FOXN3: variants seen among roughly 807,000 people sequenced by gnomAD.
FOXN3 encodes forkhead box N3, also known as forkhead box protein N3.
In FOXN3, 7 loss-of-function variants were observed where a neutral mutation model predicts 38.4. The ratio of observed to expected loss-of-function variants is 0.18; its 90% CI spans 0.10 to 0.34. FOXN3 has a LOEUF of 0.34. Among genes scored for constraint, FOXN3 ranks in the 10% least tolerant of loss-of-function variants. FOXN3 has a pLI of 1.00. For missense variants in FOXN3, 456 were observed against 613.4 expected (o/e 0.74, Z 2.71); for synonymous variants, 230 against 242.2 (o/e 0.95, Z 0.47).
At chr14:89,265,235 G>T (rs747337348) in intron 4 of FOXN3, among the ~76,000 whole-genome samples, 32 of 152,132 alleles carry the variant, frequency 2.1e-4, no homozygotes, top group Middle Eastern at 3.4e-3. Context: ...AGATTTTATC[G>T]CCTGTGACTG....
intron 3 of FOXN3, among the ~76,000 whole-genome samples, chr14:89,289,892 T>C (rs367898089): frequency 8.5e-4 from 130 of 152,350 alleles, no homozygotes; most frequent in African/African-American, 3.0e-3. Context: ...CGTGGAAAAT[T>C]GAATCATGCA....
intron 2 of FOXN3, among the ~76,000 whole-genome samples, chr14:89,394,760 C>T (rs750046255): frequency 2.0e-4 from 30 of 152,154 alleles, no homozygotes; most frequent in Admixed American, 1.2e-3. Context: ...TCTCTAATCC[C>T]GGGGTCCCAT....
At chr14:89,292,841 C>G (rs1886918720) in intron 3 of FOXN3, among the ~76,000 whole-genome samples, 1 of 152,224 alleles carries the variant, frequency 6.6e-6, no homozygotes, top group East Asian at 1.9e-4. Context: ...TCTCCCCTCT[C>G]CACCGCACGA....
rs536428329 is a variant in FOXN3 at position 89,487,880 on chromosome 14, CAAT to C, written c.-14-75393_-14-75391del. Among the ~76,000 whole-genome samples, 8 of 152,098 alleles carry C rather than the reference CAAT, an allele frequency of 5.3e-5. No individual in the cohort carries two copies. The South Asian group carries it at 1.2e-3, about 24-fold the overall frequency. On this transcript the variant is annotated intron_variant, in intron 1 of 6. Coordinates refer to the FOXN3 transcript ENST00000345097. ...CCACGAAAGGAAGGCATCATGAAGA[CAAT>C]AATAATGGCCTTGAGATTAGGACAG...
intron 2 of FOXN3, among the ~76,000 whole-genome samples, chr14:89,385,704 G>A (rs2140071607): frequency 6.6e-6 from 1 of 152,296 alleles, no homozygotes; most frequent in East Asian, 1.9e-4. Flanking sequence ...CTACCTGGGA[G>A]GCTGAGGCAG....
intron 2 of FOXN3, among the ~76,000 whole-genome samples, chr14:89,386,818 A>AC (rs1207397112): frequency 2.6e-5 from 4 of 152,142 alleles, no homozygotes; most frequent in Non-Finnish European, 5.9e-5. Context: ...CTGTGTGCTC[A>AC]TGGGGACTGC....
chr14:89,553,785 G>A (rs568035469), intron 1 of FOXN3, among the ~76,000 whole-genome samples: 48 of 152,236 alleles, frequency 3.2e-4, no homozygotes, highest in African/African-American at 6.7e-4. Flanking sequence ...AGGGGAAAGC[G>A]CAGTCAGGAC....
intron 1 of FOXN3, among the ~76,000 whole-genome samples, chr14:89,415,174 GCCA>G (rs1445526417): frequency 1.3e-5 from 2 of 152,110 alleles, no homozygotes; most frequent in African/African-American, 4.8e-5. Context: ...GAACTACCCA[GCCA>G]CTGAAGTCAA....
intron 1 of FOXN3, among the ~76,000 whole-genome samples, chr14:89,603,635 T>C (rs1896205428): frequency 6.6e-6 from 1 of 152,190 alleles, no homozygotes; most frequent in Non-Finnish European, 1.5e-5. Flanking sequence ...GCAGAGTAAG[T>C]ACCTGTCCAA....
chr14:89,610,749 G>A (rs1447711304), intron 1 of FOXN3, among the ~76,000 whole-genome samples: 4 of 152,240 alleles, frequency 2.6e-5, no homozygotes, highest in African/African-American at 9.6e-5. Flanking sequence ...CTTCACCCTC[G>A]TATCCCTATC....
At chr14:89,385,026 T>C (rs1424366206) in intron 2 of FOXN3, among the ~76,000 whole-genome samples, 1 of 152,232 alleles carries the variant, frequency 6.6e-6, no homozygotes, top group Non-Finnish European at 1.5e-5. Flanking sequence ...AGGAGAATTA[T>C]GGAATCTGCC....
At chr14:89,594,580 A>T (rs1896020769) in intron 1 of FOXN3, among the ~76,000 whole-genome samples, 1 of 152,150 alleles carries the variant, frequency 6.6e-6, no homozygotes, top group Non-Finnish European at 1.5e-5. Context: ...TCTTGAATTG[A>T]TTTGTAGGAA....
intron 1 of FOXN3, among the ~76,000 whole-genome samples, chr14:89,528,686 A>G (rs1894489872): frequency 6.6e-6 from 1 of 151,930 alleles, no homozygotes; most frequent in Non-Finnish European, 1.5e-5. Flanking sequence ...GTGAGCCACC[A>G]CACTCGGGCT....
intron 2 of FOXN3, among the ~76,000 whole-genome samples, chr14:89,379,594 A>T (rs1189702179): frequency 6.6e-6 from 1 of 152,170 alleles, no homozygotes; most frequent in East Asian, 1.9e-4. Flanking sequence ...GCAGAAAGGG[A>T]ATCCCAAAAT....
intron 3 of FOXN3, among the ~76,000 whole-genome samples, chr14:89,319,240 G>T (rs991802307): frequency 3.9e-5 from 6 of 152,116 alleles, no homozygotes; most frequent in African/African-American, 1.2e-4. Context: ...TCACTAGGAG[G>T]ACTCACAGGA....
intron 1 of FOXN3, among the ~76,000 whole-genome samples, chr14:89,414,628 A>G (rs1891646167): frequency 6.8e-6 from 1 of 146,528 alleles, no homozygotes. Flanking sequence ...AAATCCGCTC[A>G]CTGCAACCCC....
intron 1 of FOXN3, among the ~76,000 whole-genome samples, chr14:89,492,064 C>T (rs1357266891): frequency 6.6e-6 from 1 of 152,176 alleles, no homozygotes; most frequent in Non-Finnish European, 1.5e-5. Context: ...CTCCAGCACT[C>T]CCCAAAAAAC....
At chr14:89,311,868 C>A (rs574002904) in intron 3 of FOXN3, among the ~76,000 whole-genome samples, 1 of 152,048 alleles carries the variant, frequency 6.6e-6, no homozygotes, top group Non-Finnish European at 1.5e-5. Context: ...TACACACCTA[C>A]CTCTGTGAAA....
rs892845124 is a variant in FOXN3 at position 89,448,927 on chromosome 14, G to A, written c.-14-36437C>T. 4.1e-5 allele frequency among the ~76,000 whole-genome samples: 6 copies of A among 147,352 alleles called. No individual in the cohort carries two copies. The Admixed American group carries it at 4.2e-4, about 10-fold the overall frequency. On this transcript the variant is annotated intron_variant, in intron 1 of 6. Transcript: ENST00000345097. ...CCACTGCACTCCAGCCTGGGCAACAGAGCAAGAACACTGTCTCAAAAAAAA... is the reference window on the plus strand; with the variant it reads ...CCACTGCACTCCAGCCTGGGCAACAAAGCAAGAACACTGTCTCAAAAAAAA...
Sources: allele counts gnomAD v4.1 joint callset (sites outside exome capture counted in the v4.1 genomes callset), GRCh38; gene constraint gnomAD v4.1.1; transcripts MANE v1.5; gene names NCBI Gene and HGNC (gene_info 2026-07-23, HGNC 2026-07-21).